Variants in SLC4A7 observed in about 807,000 individuals in gnomAD.
SLC4A7 encodes solute carrier family 4 member 7, also known as sodium bicarbonate cotransporter 3.
A neutral mutation model predicts 137.6 loss-of-function variants in SLC4A7; 51 were observed. That is an observed-to-expected ratio of 0.37 (90% CI 0.30 to 0.47). The LOEUF (loss-of-function observed/expected upper bound fraction) is 0.47. SLC4A7 is among the 20% of genes least tolerant of loss of function. The pLI is 1.00. For synonymous variants in SLC4A7, 542 were observed against 518.6 expected (o/e 1.05, Z -0.61); for missense variants, 1,247 against 1,525.4 (o/e 0.82, Z 3.04).
intron 1 of SLC4A7, among the ~76,000 whole-genome samples, chr3:27,479,503 T>C (rs1053981465): frequency 2.6e-5 from 4 of 152,116 alleles, no homozygotes; most frequent in Admixed American, 6.5e-5. Context: ...AAAGAGTCAC[T>C]AATTTAGGCA....
Position 27,416,458 on chromosome 3 carries a change from T to C in SLC4A7, c.1659+2028A>G, listed in dbSNP as rs192122405. Reference sequence around the variant, plus strand: ...TTTAGCTTTTTAGAATAGATTTGTATATATCTTATGGTAATAAATTATTAT... The same window carrying C: ...TTTAGCTTTTTAGAATAGATTTGTACATATCTTATGGTAATAAATTATTAT... On this transcript the variant is annotated intron_variant, in intron 11 of 25. Coordinates refer to ENST00000454389, the MANE Select transcript of SLC4A7 (RefSeq NM_001321103.2). Among the ~76,000 whole-genome samples the C allele has an allele frequency of 2.9e-4, 44 of 152,308 alleles. 1 individual carries two copies. The East Asian group carries it at 8.5e-3, about 29-fold the overall frequency.
intron 1 of SLC4A7, among the ~76,000 whole-genome samples, chr3:27,460,393 A>G (rs140531598): frequency 1.3e-5 from 2 of 152,188 alleles, no homozygotes; most frequent in African/African-American, 2.4e-5. Flanking sequence ...TTTATAATAA[A>G]GCCTTCTAAG....
At position 27,409,381 on chromosome 3, in the gene SLC4A7, A is replaced by G; in HGVS notation, c.1916T>C (p.Leu639Pro). ...MSPVITFGGL[L>P]GEATEGRISA... ...TATTCTGCCTTCTGTAGCTTCTCCA[A>G]GCAGCCCTCCAAAAGTGATTACAGG... The change falls in exon 13 of 26, where the codon CTT becomes CCT. Residue 639 changes from leucine to proline, a missense_variant. Leu to Pro is a moderately conservative substitution (Grantham distance 98). Transcript: ENST00000454389. The G allele has an allele frequency of 6.2e-7, 1 of 1,611,948 alleles. No individual in the cohort carries two copies. The highest frequency in any genetic ancestry group is 1.1e-5 in the South Asian group (1 of 90,602).
intron 3 of SLC4A7, among the ~76,000 whole-genome samples, chr3:27,443,032 CT>C (rs1175482585): frequency 2.4e-4 from 25 of 105,420 alleles, no homozygotes; most frequent in Admixed American, 6.4e-4. Flanking sequence ...TTCTTTTTTT[CT>C]TTTTTTTTTT....
At chr3:27,389,610 T>C (rs1341031259) in intron 22 of SLC4A7, among the ~76,000 whole-genome samples, 1 of 152,188 alleles carries the variant, frequency 6.6e-6, no homozygotes, top group African/African-American at 2.4e-5. Flanking sequence ...TAATGAACCA[T>C]GTTGTTTTGG....
At chr3:27,432,125 G>C (rs571868806) in intron 6 of SLC4A7, among the ~76,000 whole-genome samples, 1 of 152,012 alleles carries the variant, frequency 6.6e-6, no homozygotes, top group Non-Finnish European at 1.5e-5. Flanking sequence ...TTATCTCTTA[G>C]AGAAAAAGTT....
intron 1 of SLC4A7, among the ~76,000 whole-genome samples, chr3:27,481,102 T>C (rs906695984): frequency 4.6e-5 from 7 of 152,180 alleles, no homozygotes; most frequent in African/African-American, 1.4e-4. Flanking sequence ...TGCTAAAACT[T>C]AGAAACCTTC....
chr3:27,443,136 A>G (rs2057345825), intron 3 of SLC4A7, among the ~76,000 whole-genome samples: 1 of 148,810 alleles, frequency 6.7e-6, no homozygotes, highest in Non-Finnish European at 1.5e-5. Context: ...CATTCAAGCA[A>G]TTCTCCTGTC....
intron 3 of SLC4A7, among the ~76,000 whole-genome samples, chr3:27,441,995 T>C (rs1052114641): frequency 6.6e-6 from 1 of 151,522 alleles, no homozygotes; most frequent in Admixed American, 6.6e-5. Context: ...TCCCAGATTC[T>C]CCTGCCTCAG....
intron 25 of SLC4A7, among the ~76,000 whole-genome samples, chr3:27,378,857 T>A (rs958762306): frequency 8.5e-5 from 13 of 152,234 alleles, no homozygotes; most frequent in African/African-American, 3.1e-4. Flanking sequence ...TTATGTTTAT[T>A]CCATACTGCT....
Position 27,400,805 on chromosome 3 carries a change from T to G in SLC4A7, c.2386A>C (p.Ile796Leu). Residue 796 changes from isoleucine (I) to leucine (L), a missense_variant, in exon 16 of 26, where the codon ATA becomes CTA. Around this residue, in one of 6 missense-constraint regions of SLC4A7, gnomAD observed 499 missense variants for 664.2 expected, o/e 0.75. Transcript: ENST00000454389. ...CTCCAGGAAATATTGTGTGCTGTTA[T>G]ATTATCTTTCTTCCATTGTGCTAGA... ...ETLAQWKKDN[I>L]TAHNISWRNL... The G allele has an allele frequency of 6.2e-7, 1 of 1,608,200 alleles. No individual in the cohort carries two copies. The highest frequency in any genetic ancestry group is 8.5e-7 in the Non-Finnish European group (1 of 1,174,788).
chr3:27,418,477 G>T lies in SLC4A7; in HGVS notation c.1659+9C>A, dbSNP rs778055607. The T allele has an allele frequency of 6.3e-7, 1 of 1,599,560 alleles. No individual in the cohort carries two copies. The highest frequency in any genetic ancestry group is 8.5e-7 in the Non-Finnish European group (1 of 1,173,992). On this transcript the variant is annotated intron_variant, in intron 11 of 25. Transcript: ENST00000454389. The stretch of plus-strand genomic sequence containing the variant: ...AGTAAGTCACAGAAGAATAGCTCTG[G>T]ATTCTTACCTGAGAAGGGACACTTT...
chr3:27,422,781 A>T, intron 8 of SLC4A7: 1 of 456,058 alleles, frequency 2.2e-6, no homozygotes, highest in Non-Finnish European at 4.4e-6. Flanking sequence ...CAGCACTTAC[A>T]GCGGGCCTCT....
intron 6 of SLC4A7, among the ~76,000 whole-genome samples, chr3:27,432,767 A>G (rs572473664): frequency 3.9e-5 from 6 of 152,348 alleles, no homozygotes; most frequent in African/African-American, 1.4e-4. Flanking sequence ...GCAAATTACA[A>G]TTGGACAATA....
At chr3:27,440,353 T>C (rs2057090384) in intron 3 of SLC4A7, among the ~76,000 whole-genome samples, 1 of 152,140 alleles carries the variant, frequency 6.6e-6, no homozygotes, top group African/African-American at 2.4e-5. Flanking sequence ...TCCAGTCTGA[T>C]CGTCTGACCT....
chr3:27,440,142 T>C (rs2057073284), intron 3 of SLC4A7, among the ~76,000 whole-genome samples: 2 of 152,282 alleles, frequency 1.3e-5, no homozygotes, highest in South Asian at 4.1e-4. Flanking sequence ...ATTTATTCTC[T>C]TACAGTTCTG....
chr3:27,426,922 G>C (rs764480943), intron 7 of SLC4A7, among the ~76,000 whole-genome samples: 2 of 151,886 alleles, frequency 1.3e-5, no homozygotes, highest in Non-Finnish European at 2.9e-5. Context: ...AAACACAGAA[G>C]GACTATATTA....
intron 1 of SLC4A7, among the ~76,000 whole-genome samples, 169 bp downstream of exon 1, chr3:27,483,898 G>A (rs952559122): frequency 1.3e-5 from 2 of 148,512 alleles, no homozygotes; most frequent in African/African-American, 4.9e-5. Flanking sequence ...CCGCGCCCCA[G>A]GCCGCCACAC....
chr3:27,409,940 G>C (rs2053745656), intron 12 of SLC4A7, among the ~76,000 whole-genome samples: 1 of 152,088 alleles, frequency 6.6e-6, no homozygotes, highest in Non-Finnish European at 1.5e-5. Flanking sequence ...ATACAAGGAA[G>C]GCAATTATTA....
Sources: gnomAD v4.1 joint callset for allele counts (sites outside exome capture counted in the v4.1 genomes callset) on GRCh38, gnomAD v4.1.1 for gene constraint, gnomAD v4.1.1 regional missense constraint, MANE v1.5 for transcripts, NCBI Gene and HGNC (gene_info 2026-07-23, HGNC 2026-07-21) for gene names.